The following SUPT3H variants were observed in gnomAD, a reference collection of about 807,000 sequenced individuals.
SUPT3H encodes transcription initiation protein SPT3 homolog.
In SUPT3H, 44 loss-of-function variants were observed where a neutral mutation model predicts 44.3. That is an observed-to-expected ratio of 0.99 (90% CI 0.78 to 1.28). The LOEUF (loss-of-function observed/expected upper bound fraction) is 1.28. Among genes scored for constraint, SUPT3H ranks in the 50% most tolerant of loss-of-function variants. SUPT3H has a pLI of 0.00. For missense variants in SUPT3H, 380 were observed against 387.1 expected, an observed-to-expected ratio of 0.98 and a Z score of 0.15; for synonymous variants, 124 against 125.6, an observed-to-expected ratio of 0.99 and a Z score of 0.09.
chr6:45,324,522 G>A (rs555520205), intron 2 of SUPT3H, among the ~76,000 whole-genome samples: 2 of 151,576 alleles, frequency 1.3e-5, no homozygotes, highest in African/African-American at 2.4e-5. Flanking sequence ...GTATAGAAAT[G>A]AGGGAAAAAA....
At chr6:45,343,142 C>G (rs1790156734) in intron 2 of SUPT3H, among the ~76,000 whole-genome samples, 1 of 152,150 alleles carries the variant, frequency 6.6e-6, no homozygotes, top group Admixed American at 6.6e-5. Flanking sequence ...CTTAAATCAT[C>G]TTAAGTCTAA....
chr6:45,213,833 T>C (rs997131598), intron 2 of SUPT3H, among the ~76,000 whole-genome samples: 10 of 152,006 alleles, frequency 6.6e-5, no homozygotes, highest in African/African-American at 2.4e-4. Flanking sequence ...ACCAAATCTC[T>C]ATCATTTTAA....
At position 45,237,115 on chromosome 6, in the gene SUPT3H, T is replaced by A. The variant is rs138652491; in HGVS notation, c.101+128086A>T. ...AAGTGAAACTAAACGAATAGGAGGATTTGGAAACACAAATAAACAAGGCAA... is the reference window on the plus strand; with the variant it reads ...AAGTGAAACTAAACGAATAGGAGGAATTGGAAACACAAATAAACAAGGCAA... On this transcript the variant is annotated intron_variant, in intron 2 of 10. Transcript: ENST00000371459. Among the ~76,000 whole-genome samples the A allele has an allele frequency of 2.2e-3, 331 of 152,154 alleles. 1 individual carries two copies. The highest frequency in any genetic ancestry group is 7.4e-3 in the African/African-American group (309 of 41,488).
At chr6:44,916,509 G>T (rs751707273) in intron 10 of SUPT3H, among the ~76,000 whole-genome samples, 2 of 152,140 alleles carry the variant, frequency 1.3e-5, no homozygotes, top group Non-Finnish European at 2.9e-5. Context: ...AAGGAGTCCA[G>T]CATTTGTGGA....
At chr6:45,243,715 C>T (rs538806249) in intron 2 of SUPT3H, among the ~76,000 whole-genome samples, 11 of 152,036 alleles carry the variant, frequency 7.2e-5, no homozygotes, top group African/African-American at 2.7e-4. Flanking sequence ...TCTGAATAGC[C>T]CTATATGTAT....
chr6:44,901,078 C>T (rs973193908), intron 10 of SUPT3H, among the ~76,000 whole-genome samples: 1 of 152,198 alleles, frequency 6.6e-6, no homozygotes, highest in East Asian at 1.9e-4. Context: ...GGGGAAAAAA[C>T]AGAGCAGAAA....
chr6:44,865,498 G>C (rs529751061), intron 10 of SUPT3H, among the ~76,000 whole-genome samples: 272 of 152,106 alleles, frequency 1.8e-3, no homozygotes, highest in African/African-American at 6.4e-3. Context: ...ACAGTTCCAC[G>C]TGGCTGGGGA....
At chr6:45,172,659 T>C (rs898715771) in intron 2 of SUPT3H, among the ~76,000 whole-genome samples, 2 of 151,606 alleles carry the variant, frequency 1.3e-5, no homozygotes, top group East Asian at 1.9e-4. Context: ...TGGCTTGATC[T>C]CAGCTCGCTA....
At chr6:45,153,730 A>G (rs1285179434) in intron 2 of SUPT3H, among the ~76,000 whole-genome samples, 1 of 152,086 alleles carries the variant, frequency 6.6e-6, no homozygotes, top group Non-Finnish European at 1.5e-5. Flanking sequence ...AGTAGCCAGT[A>G]GTGGTGGCAC....
chr6:45,110,763 T>G (rs967122448), intron 2 of SUPT3H, among the ~76,000 whole-genome samples: 20 of 152,292 alleles, frequency 1.3e-4, no homozygotes, highest in African/African-American at 4.8e-4. Flanking sequence ...CTGGACCCTA[T>G]GTAAATGCAT....
At chr6:45,131,279 A>AT (rs1252188360) in intron 2 of SUPT3H, among the ~76,000 whole-genome samples, 5 of 152,030 alleles carry the variant, frequency 3.3e-5, no homozygotes, top group Non-Finnish European at 7.4e-5. Flanking sequence ...ATCTCATGAG[A>AT]TTTTTTCCTC....
At chr6:45,271,152 C>T (rs192916161) in intron 2 of SUPT3H, among the ~76,000 whole-genome samples, 60 of 152,232 alleles carry the variant, frequency 3.9e-4, no homozygotes, top group East Asian at 3.9e-3. Context: ...CCTGACAATG[C>T]GACTGAAAAG....
At chr6:44,863,922 T>G (rs999106548) in intron 10 of SUPT3H, among the ~76,000 whole-genome samples, 1 of 151,970 alleles carries the variant, frequency 6.6e-6, no homozygotes, top group Admixed American at 6.6e-5. Flanking sequence ...GAGAACAGTA[T>G]GGGAGAAACT....
intron 6 of SUPT3H, among the ~76,000 whole-genome samples, chr6:44,966,526 T>TA (rs1376348744): frequency 6.6e-6 from 1 of 151,842 alleles, no homozygotes; most frequent in Non-Finnish European, 1.5e-5. Context: ...TTAGAGAACT[T>TA]AAAGGAAAAC....
intron 2 of SUPT3H, among the ~76,000 whole-genome samples, chr6:45,240,565 CT>C (rs1347387431): frequency 6.6e-6 from 1 of 152,162 alleles, no homozygotes; most frequent in Non-Finnish European, 1.5e-5. Flanking sequence ...AATGAACTTA[CT>C]TGTTTGGGAA....
intron 2 of SUPT3H, among the ~76,000 whole-genome samples, chr6:45,358,595 T>C (rs1248668704): frequency 1.3e-5 from 2 of 152,180 alleles, no homozygotes; most frequent in Non-Finnish European, 2.9e-5. Flanking sequence ...ACAATGTTTA[T>C]CATCTGCCAG....
chr6:45,221,263 C>A (rs1271597582), intron 2 of SUPT3H, among the ~76,000 whole-genome samples: 2 of 152,020 alleles, frequency 1.3e-5, no homozygotes, highest in Non-Finnish European at 2.9e-5. Context: ...TAGGAGAAAT[C>A]TAATGTAAAT....
intron 3 of SUPT3H, among the ~76,000 whole-genome samples, chr6:45,079,412 A>AAGGAAGAAGGGGGAAGAGG (rs1795471513): frequency 2.7e-5 from 4 of 147,904 alleles, no homozygotes; most frequent in African/African-American, 1.0e-4. Flanking sequence ...TGGGGAGGAG[A>AAGGAAGAAGGGGGAAGAGG]AGGAAGAAGA....
intron 2 of SUPT3H, among the ~76,000 whole-genome samples, chr6:45,136,062 A>G (rs1049728885): frequency 2.6e-5 from 4 of 152,208 alleles, no homozygotes; most frequent in Non-Finnish European, 5.9e-5. Context: ...CCAATGGAAA[A>G]TAAGAGCCAT....
Sources: allele counts gnomAD v4.1 joint callset (sites outside exome capture counted in the v4.1 genomes callset), GRCh38; gene constraint gnomAD v4.1.1; transcripts MANE v1.5; gene names NCBI Gene and HGNC (gene_info 2026-07-23, HGNC 2026-07-21).